The following BRSK2 variants were observed in gnomAD, a reference collection of about 807,000 sequenced individuals.
The protein encoded by BRSK2 is BR serine/threonine kinase 2, also known as serine/threonine-protein kinase BRSK2.
Under a neutral mutation model 83.3 loss-of-function variants are expected in BRSK2, and 19 were observed. The ratio of observed to expected loss-of-function variants is 0.23; its 90% CI spans 0.16 to 0.33. BRSK2 has a LOEUF of 0.33. Ranked by LOEUF, BRSK2 falls within the 10% of genes least tolerant of loss-of-function variation. BRSK2 has a pLI of 1.00. For missense variants in BRSK2, 798 were observed against 1,042.3 expected (o/e 0.77, Z 3.23); for synonymous variants, 519 against 435.4 (o/e 1.19, Z -2.39).
intron 18 of BRSK2, 139 bp from the exon 19 acceptor site, chr11:1,459,053 G>A (rs1590723403): frequency 8.9e-6 from 4 of 450,884 alleles, no homozygotes; most frequent in South Asian, 8.5e-5. Context: ...GGCCCCCCCA[G>A]TATTCCCCAC....
chr11:1,406,523 C>A (rs1454206248), intron 1 of BRSK2, among the ~76,000 whole-genome samples: 1 of 152,172 alleles, frequency 6.6e-6, no homozygotes, highest in Non-Finnish European at 1.5e-5. Flanking sequence ...ACTCAGGACC[C>A]CAGAGAGCTC....
rs1590271391 is a variant in BRSK2, at chr11:1,390,501, A to C, written c.91+126A>C. 20 of 334,136 alleles carry C rather than the reference A, an allele frequency of 6.0e-5. No individual in the cohort carries two copies. Among genetic ancestry groups the C allele is most frequent in the East Asian group, 1.8e-4 (1 of 5,654 alleles). The allele number at this position is 334,136 out of a possible 1,614,324, so 20.7% of individuals were successfully genotyped here. ...CCGGCCCGGGCCCCGGCCGCGAACA[A>C]TGGGCGGCCCGTGCGCCCCCGTCCG... On this transcript the variant is annotated intron_variant, in intron 1 of 19. Transcript: ENST00000528841. The surrounding 1 kb of genome is among the most constrained non-coding windows in gnomAD (Gnocchi z 6.8).
Position 1,454,472 on chromosome 11 carries a change from T to C in BRSK2, c.1545-13T>C. On this transcript the variant is annotated splice_polypyrimidine_tract_variant and intron_variant, in intron 15 of 19. Coordinates refer to ENST00000528841, the MANE Select transcript of BRSK2 (RefSeq NM_001256627.2). The surrounding 1 kb of genome is among the most constrained non-coding windows in gnomAD (Gnocchi z 5.2). Reference sequence around the variant, plus strand: ...CACCTCAATCCTCACAGCCTCTGTCTCCCACTGCCCAGGCTGGCGAAGAAG... The same window carrying C: ...CACCTCAATCCTCACAGCCTCTGTCCCCCACTGCCCAGGCTGGCGAAGAAG... The C allele has an allele frequency of 3.1e-6, 5 of 1,612,706 alleles. No individual in the cohort carries two copies. The highest frequency in any genetic ancestry group is 3.4e-6 in the Non-Finnish European group (4 of 1,179,766).
chr11:1,450,886 G>T, intron 14 of BRSK2, 92 bp downstream of exon 14: 1 of 1,266,252 alleles, frequency 7.9e-7, no homozygotes, highest in Non-Finnish European at 1.1e-6. Context: ...AGACCAGTCC[G>T]AGGGGCCTGT....
At chr11:1,459,070 C>T (rs1847043316) in intron 18 of BRSK2, 122 bp from the exon 19 acceptor site, 1 of 961,980 alleles carries the variant, frequency 1.0e-6, no homozygotes, top group Non-Finnish European at 1.6e-6. Context: ...CCACCCATGC[C>T]TCTGGGGCCC....
chr11:1,450,302 G>A lies in BRSK2; in HGVS notation c.1288-285G>A, dbSNP rs572403451. 1.4e-3 allele frequency among the ~76,000 whole-genome samples: 206 copies of A among 150,668 alleles called. 1 individual carries two copies. The highest frequency in any genetic ancestry group is 0.013 in the Admixed American group (192 of 15,180). On this transcript the variant is annotated intron_variant, in intron 13 of 19. Coordinates refer to ENST00000528841, the MANE Select transcript of BRSK2 (RefSeq NM_001256627.2). ...CCCCCTGGCCACCTCCACGGAGCCC[G>A]AAGCTTGTGGGAGCGCCTCGAGGCC...
At chr11:1,410,822 G>C in intron 1 of BRSK2, 1 of 983,558 alleles carries the variant, frequency 1.0e-6, no homozygotes, top group Non-Finnish European at 1.2e-6. Flanking sequence ...GGCACAGCAG[G>C]GCACCACCGA....
chr11:1,427,319 C>T (rs1205216619), intron 1 of BRSK2, among the ~76,000 whole-genome samples: 11 of 152,138 alleles, frequency 7.2e-5, no homozygotes, highest in Admixed American at 5.9e-4. Flanking sequence ...GGAGAAGGCC[C>T]CTCACTTCTT....
At chr11:1,406,871 G>A (rs1846911731) in intron 1 of BRSK2, among the ~76,000 whole-genome samples, 1 of 152,226 alleles carries the variant, frequency 6.6e-6, no homozygotes. Context: ...TCCATGTGCA[G>A]GTTTGTGTGC....
chr11:1,440,651 G>A, intron 3 of BRSK2, 137 bp from the exon 4 acceptor site: 2 of 1,100,518 alleles, frequency 1.8e-6, no homozygotes, highest in South Asian at 3.1e-5. Context: ...GCTCCTCTCA[G>A]CTGCCCCCCC....
intron 1 of BRSK2, among the ~76,000 whole-genome samples, chr11:1,428,710 T>C (rs190511868): frequency 6.1e-4 from 93 of 152,372 alleles, no homozygotes; most frequent in South Asian, 8.3e-4. Flanking sequence ...AGGATGTGTG[T>C]GCACACTGGG....
intron 1 of BRSK2, among the ~76,000 whole-genome samples, chr11:1,392,847 G>A (rs1005623257): frequency 2.0e-5 from 3 of 152,280 alleles, no homozygotes; most frequent in South Asian, 2.1e-4. Flanking sequence ...CTGTAGGGTC[G>A]TCCTTCTGCA....
At chr11:1,394,753 G>GT (rs1339116136) in intron 1 of BRSK2, among the ~76,000 whole-genome samples, 1 of 101,668 alleles carries the variant, frequency 9.8e-6, no homozygotes, top group Non-Finnish European at 2.1e-5. Context: ...GATGGGTCCT[G>GT]GAGATGGGCC....
intron 1 of BRSK2, chr11:1,410,492 T>C: frequency 7.1e-6 from 7 of 985,476 alleles, no homozygotes; most frequent in Non-Finnish European, 8.4e-6. Flanking sequence ...CTGTGTGCGA[T>C]GGGTGCTGGG....
intron 1 of BRSK2, among the ~76,000 whole-genome samples, chr11:1,433,920 C>A (rs574841200): frequency 6.6e-6 from 1 of 152,380 alleles, no homozygotes; most frequent in East Asian, 1.9e-4. Context: ...CGGCAAGGTC[C>A]TGGGTCCCCC....
chr11:1,429,142 G>C (rs939325099), intron 1 of BRSK2, among the ~76,000 whole-genome samples: 2 of 145,194 alleles, frequency 1.4e-5, no homozygotes, highest in African/African-American at 5.1e-5. Flanking sequence ...GTGTGTGCAC[G>C]TGTGCATGGG....
chr11:1,453,862 C>T (rs949930100), intron 15 of BRSK2: 3 of 152,362 alleles, frequency 2.0e-5, no homozygotes, highest in African/African-American at 7.2e-5. Flanking sequence ...CAGGCGCGCT[C>T]TGCCTGAGTC....
intron 18 of BRSK2, among the ~76,000 whole-genome samples, chr11:1,457,223 G>A (rs1337772261): frequency 2.0e-5 from 3 of 152,166 alleles, no homozygotes; most frequent in Non-Finnish European, 2.9e-5. Flanking sequence ...ACCTGGGAGA[G>A]CAGTGACAAG....
chr11:1,425,534 G>T (rs978752241), intron 1 of BRSK2, among the ~76,000 whole-genome samples: 31 of 152,282 alleles, frequency 2.0e-4, no homozygotes, highest in African/African-American at 7.2e-4. Flanking sequence ...TGGGGTGGAG[G>T]CAGGGCAGGC....
Sources: gnomAD v4.1 joint callset for allele counts (sites outside exome capture counted in the v4.1 genomes callset) on GRCh38, gnomAD v4.1.1 for gene constraint, Gnocchi (gnomAD v3.1) non-coding constraint, MANE v1.5 for transcripts, NCBI Gene and HGNC (gene_info 2026-07-23, HGNC 2026-07-21) for gene names.